ARHGEF37: variants seen among roughly 807,000 people sequenced by gnomAD.
ARHGEF37 encodes the protein Rho guanine nucleotide exchange factor 37.
Under a neutral mutation model 71.1 loss-of-function variants are expected in ARHGEF37, and 55 were observed. The observed-to-expected ratio is 0.77, with a 90% CI of 0.62 to 0.97. The LOEUF (loss-of-function observed/expected upper bound fraction) is 0.97. Ranked by LOEUF, ARHGEF37 falls within the 50% of genes least tolerant of loss-of-function variation. ARHGEF37 has a pLI of 0.00. For missense variants in ARHGEF37, 765 were observed against 836.8 expected, an observed-to-expected ratio of 0.91 and a Z score of 1.06; for synonymous variants, 327 against 350.6, an observed-to-expected ratio of 0.93 and a Z score of 0.75.
At chr5:149,617,095 A>C (rs1752403625) in intron 5 of ARHGEF37, among the ~76,000 whole-genome samples, 3 of 152,158 alleles carry the variant, frequency 2.0e-5, no homozygotes, top group Admixed American at 6.5e-5. Context: ...ACAAAAATTA[A>C]GTCAAAGTTT....
intron 4 of ARHGEF37, among the ~76,000 whole-genome samples, chr5:149,614,312 C>A (rs1165375677): frequency 6.6e-6 from 1 of 152,046 alleles, no homozygotes; most frequent in Non-Finnish European, 1.5e-5. Flanking sequence ...TCCTCTGCCT[C>A]TCCAAGATCT....
intron 1 of ARHGEF37, among the ~76,000 whole-genome samples, chr5:149,572,017 G>A (rs1762972657): frequency 6.6e-6 from 1 of 151,866 alleles, no homozygotes; most frequent in African/African-American, 2.4e-5. Context: ...CAAACTTGGA[G>A]GTCTTACAAT....
upstream of ARHGEF37, among the ~76,000 whole-genome samples, chr5:149,577,961 T>C (rs1283659130): frequency 6.6e-6 from 1 of 152,240 alleles, no homozygotes; most frequent in Admixed American, 6.5e-5. Context: ...TGACATTCAG[T>C]AGCCGGTAAC....
chr5:149,621,482 G>T (rs1209819912), intron 8 of ARHGEF37, among the ~76,000 whole-genome samples: 1 of 151,958 alleles, frequency 6.6e-6, no homozygotes, highest in African/African-American at 2.4e-5. Context: ...GCATAATAAT[G>T]ATTCAAAGTG....
At chr5:149,624,672 G>A (rs909014167) in intron 10 of ARHGEF37, among the ~76,000 whole-genome samples, 1 of 152,162 alleles carries the variant, frequency 6.6e-6, no homozygotes, top group Non-Finnish European at 1.5e-5. Context: ...GGGAGGCTGA[G>A]GCAGAAGAAT....
chr5:149,618,896 C>A, intron 6 of ARHGEF37, 42 bp from the exon 7 acceptor site: 2 of 1,495,520 alleles, frequency 1.3e-6, no homozygotes, highest in Non-Finnish European at 1.9e-6. Context: ...TGTACACTGC[C>A]CCCATGTGGA....
chr5:149,590,172 T>C (rs1055611726), intron 1 of ARHGEF37, among the ~76,000 whole-genome samples: 2 of 146,850 alleles, frequency 1.4e-5, no homozygotes, highest in African/African-American at 4.9e-5. Flanking sequence ...AATCCCTCTG[T>C]GCCAGTGTGA....
rs530819392 is a variant in ARHGEF37 at position 149,589,988 on chromosome 5, T to C, written c.-11-7771T>C. On this transcript the variant is annotated intron_variant, in intron 1 of 12. Coordinates refer to ENST00000333677, the MANE Select transcript of ARHGEF37 (RefSeq NM_001001669.3). ...AACCTACATCATGTTTTAATTTAAA[T>C]AGTTCCTCTGCTTTTAGTGGAGTGA... Among the ~76,000 whole-genome samples the C allele has an allele frequency of 2.6e-5, 4 of 152,310 alleles. No individual in the cohort carries two copies. In the South Asian group the frequency reaches 8.3e-4, roughly 32 times the overall value.
upstream of ARHGEF37, among the ~76,000 whole-genome samples, chr5:149,580,458 T>G (rs1184750818): frequency 6.6e-6 from 1 of 152,156 alleles, no homozygotes; most frequent in Non-Finnish European, 1.5e-5. Context: ...GGTTTTCATG[T>G]TTTTCTGAGT....
At chr5:149,561,890 C>T (rs1295401247) in intron 1 of ARHGEF37, among the ~76,000 whole-genome samples, 1 of 152,088 alleles carries the variant, frequency 6.6e-6, no homozygotes, top group Non-Finnish European at 1.5e-5. Flanking sequence ...CCTTTCTTTT[C>T]TCAGCCCCTG....
upstream of ARHGEF37, among the ~76,000 whole-genome samples, chr5:149,577,181 T>A (rs1763037270): frequency 6.6e-6 from 1 of 152,178 alleles, no homozygotes; most frequent in Admixed American, 6.5e-5. Context: ...AATTTCATCA[T>A]CTGTAAGATG....
chr5:149,585,302 T>G (rs1342301895), intron 1 of ARHGEF37, among the ~76,000 whole-genome samples: 1 of 152,188 alleles, frequency 6.6e-6, no homozygotes, highest in African/African-American at 2.4e-5. Context: ...GAAACTTCAC[T>G]CCTAGGTCCA....
chr5:149,580,571 T>C (rs1399652203), upstream of ARHGEF37, among the ~76,000 whole-genome samples: 2 of 152,220 alleles, frequency 1.3e-5, no homozygotes, highest in East Asian at 1.9e-4. Flanking sequence ...TTTTCACCTC[T>C]GTAGCTTAAG....
chr5:149,597,408 G>A (rs7733751), intron 1 of ARHGEF37, among the ~76,000 whole-genome samples: 18,008 of 151,970 alleles, frequency 0.12, 1,248 homozygotes, highest in East Asian at 0.3. Context: ...ACAGGAGCCC[G>A]CCACCATGCC....
chr5:149,600,975 A>G, intron 2 of ARHGEF37, 133 bp from the exon 3 acceptor site: 2 of 1,109,490 alleles, frequency 1.8e-6, no homozygotes, highest in Non-Finnish European at 1.3e-6. Context: ...AATCCTTGCA[A>G]AATTCCACTG....
At chr5:149,611,177 T>C (rs1342133658) in intron 4 of ARHGEF37, among the ~76,000 whole-genome samples, 2 of 152,194 alleles carry the variant, frequency 1.3e-5, no homozygotes, top group Non-Finnish European at 2.9e-5. Flanking sequence ...AACTGGCACA[T>C]TGTCATTCAA....
At chr5:149,566,080 A>T (rs1369068001) in intron 1 of ARHGEF37, among the ~76,000 whole-genome samples, 1 of 151,286 alleles carries the variant, frequency 6.6e-6, no homozygotes, top group Non-Finnish European at 1.5e-5. Context: ...TCCTGACCTC[A>T]GGTGATCCAC....
intron 4 of ARHGEF37, among the ~76,000 whole-genome samples, chr5:149,613,370 G>A (rs1429112917): frequency 3.4e-5 from 5 of 146,660 alleles, no homozygotes; most frequent in East Asian, 2.0e-4. Context: ...TTTTTGAGAC[G>A]GAGTTTTGCT....
rs1752781877 is a variant in ARHGEF37, at chr5:149,628,807, A to G, written c.1661-2A>G. The G allele has an allele frequency of 7.4e-6, 12 of 1,611,864 alleles. No individual in the cohort carries two copies. The highest frequency in any genetic ancestry group is 3.3e-5 in the South Asian group (3 of 90,578). ...CCTGCTAACCTTCTGCATGCTCCCT[A>G]GGACATCGTGGGTATGTGCCGGCTG... is the stretch of plus-strand genomic sequence containing the variant. On this transcript the variant is annotated splice_acceptor_variant, in intron 11 of 12. Coordinates refer to ENST00000333677, the MANE Select transcript of ARHGEF37 (RefSeq NM_001001669.3). LOFTEE classifies it high-confidence loss of function.
Sources: allele counts gnomAD v4.1 joint callset (sites outside exome capture counted in the v4.1 genomes callset), GRCh38; gene constraint gnomAD v4.1.1; transcripts MANE v1.5; gene names NCBI Gene and HGNC (gene_info 2026-07-23, HGNC 2026-07-21).